SPATA17: variants seen among roughly 807,000 people sequenced by gnomAD.
SPATA17 encodes spermatogenesis-associated protein 17.
In SPATA17, 53 loss-of-function variants were observed where a neutral mutation model predicts 62.2. The ratio of observed to expected loss-of-function variants is 0.85; its 90% CI spans 0.68 to 1.07. SPATA17 has a LOEUF of 1.07. SPATA17 is among the 50% of genes least tolerant of loss of function. The probability of loss-of-function intolerance (pLI) is 0.00; values close to 1 mark genes in which losing one functional copy is unlikely to be tolerated. For synonymous variants in SPATA17, 146 were observed against 146.8 expected, an observed-to-expected ratio of 0.99 and a Z score of 0.04; for missense variants, 466 against 425.5, an observed-to-expected ratio of 1.10 and a Z score of -0.84.
chr1:217,677,307 A>AT (rs1451050102), intron 4 of SPATA17, among the ~76,000 whole-genome samples: 1 of 152,094 alleles, frequency 6.6e-6, no homozygotes, highest in Non-Finnish European at 1.5e-5. Flanking sequence ...GTTAGAAAAG[A>AT]TTATATGGTG....
At chr1:217,768,272 A>G (rs1033998292) in intron 6 of SPATA17, among the ~76,000 whole-genome samples, 3 of 151,972 alleles carry the variant, frequency 2.0e-5, no homozygotes, top group African/African-American at 7.2e-5. Flanking sequence ...GATGTGAAAA[A>G]CAAGAGATTC....
At chr1:217,677,744 T>G (rs1453221795) in intron 4 of SPATA17, among the ~76,000 whole-genome samples, 4 of 151,808 alleles carry the variant, frequency 2.6e-5, no homozygotes, top group Non-Finnish European at 5.9e-5. Flanking sequence ...GTGAAATGAT[T>G]AAATAGATTT....
intron 9 of SPATA17, among the ~76,000 whole-genome samples, chr1:217,806,307 G>A (rs1212013482): frequency 1.3e-5 from 2 of 152,194 alleles, no homozygotes; most frequent in Non-Finnish European, 2.9e-5. Flanking sequence ...ATAGCTCCGT[G>A]TAAGGGTGGG....
intron 9 of SPATA17, among the ~76,000 whole-genome samples, chr1:217,828,151 G>A (rs1289165094): frequency 6.6e-6 from 1 of 152,048 alleles, no homozygotes; most frequent in Non-Finnish European, 1.5e-5. Context: ...CAATGTTAGA[G>A]ACATCATACT....
chr1:217,703,174 C>CTTTTTTTTT (rs1203063860), intron 5 of SPATA17, among the ~76,000 whole-genome samples: 1 of 105,508 alleles, frequency 9.5e-6, no homozygotes, highest in African/African-American at 3.9e-5. Context: ...TGCGCTCGGC[C>CTTTTTTTTT]TTTTTTTTTT....
At chr1:217,861,179 G>T (rs1335247651) in intron 9 of SPATA17, among the ~76,000 whole-genome samples, 1 of 151,832 alleles carries the variant, frequency 6.6e-6, no homozygotes, top group Non-Finnish European at 1.5e-5. Context: ...TGGCATTGTT[G>T]TTATTATTAT....
chr1:217,637,544 C>T (rs1237557317), intron 1 of SPATA17, among the ~76,000 whole-genome samples: 3 of 152,114 alleles, frequency 2.0e-5, no homozygotes, highest in African/African-American at 7.2e-5. Flanking sequence ...CTTAAGTTGT[C>T]CTGATTTCAG....
intron 9 of SPATA17, among the ~76,000 whole-genome samples, chr1:217,828,948 T>C (rs1675066510): frequency 6.6e-6 from 1 of 152,070 alleles, no homozygotes; most frequent in Non-Finnish European, 1.5e-5. Flanking sequence ...ATAACAAATG[T>C]TGGTGAGGGT....
intron 4 of SPATA17, among the ~76,000 whole-genome samples, chr1:217,680,092 A>G (rs187966775): frequency 2.0e-4 from 31 of 152,250 alleles, no homozygotes; most frequent in Admixed American, 9.8e-4. Flanking sequence ...ATATTTTCCT[A>G]TGCAACTTGA....
chr1:217,847,539 A>G (rs1450416083), intron 9 of SPATA17, among the ~76,000 whole-genome samples: 1 of 152,168 alleles, frequency 6.6e-6, no homozygotes, highest in African/African-American at 2.4e-5. Context: ...GTAAATGTGT[A>G]CATAATTTTC....
rs187780765 is a variant in SPATA17 at position 217,834,321 on chromosome 1, C to T, written c.1006-28453C>T. ...TTTATTGTTATTTTAGCGTGTATTG[C>T]TTCTATTTAGAAAAAAGTTAACTGA... is the stretch of plus-strand genomic sequence containing the variant. On this transcript the variant is annotated intron_variant, in intron 9 of 10. Coordinates refer to ENST00000366933, the MANE Select transcript of SPATA17 (RefSeq NM_138796.4). 2.7e-3 allele frequency among the ~76,000 whole-genome samples: 405 copies of T among 152,136 alleles called. 2 individuals carry two copies. The highest frequency in any genetic ancestry group is 2.8e-3 in the Non-Finnish European group (190 of 67,986).
chr1:217,792,070 A>T (rs1324072967), intron 8 of SPATA17, among the ~76,000 whole-genome samples: 2 of 151,310 alleles, frequency 1.3e-5, no homozygotes, highest in African/African-American at 2.4e-5. Flanking sequence ...GATAAACTTT[A>T]AAAAAAAATC....
chr1:217,824,409 A>G (rs1013682647), intron 9 of SPATA17, among the ~76,000 whole-genome samples: 1 of 151,674 alleles, frequency 6.6e-6, no homozygotes, highest in African/African-American at 2.4e-5. Context: ...ATATTACTTA[A>G]AAAATAATTG....
At chr1:217,831,222 T>C (rs1245873866) in intron 9 of SPATA17, among the ~76,000 whole-genome samples, 1 of 152,178 alleles carries the variant, frequency 6.6e-6, no homozygotes, top group Non-Finnish European at 1.5e-5. Flanking sequence ...TTGTCATTTG[T>C]CCATTGTGTT....
At chr1:217,649,871 T>G (rs1299682229) in intron 2 of SPATA17, among the ~76,000 whole-genome samples, 2 of 151,792 alleles carry the variant, frequency 1.3e-5, no homozygotes, top group Non-Finnish European at 2.9e-5. Context: ...TATATAAAAC[T>G]TCCTTATACT....
intron 3 of SPATA17, chr1:217,665,395 A>C (rs1431989302): frequency 6.6e-6 from 1 of 152,096 alleles, no homozygotes; most frequent in Non-Finnish European, 1.5e-5. Context: ...AAAGGAGTTG[A>C]TAAAAGCAAT....
chr1:217,668,473 A>C (rs1670755974), intron 3 of SPATA17, among the ~76,000 whole-genome samples: 1 of 152,334 alleles, frequency 6.6e-6, no homozygotes, highest in African/African-American at 2.4e-5. Flanking sequence ...ATGAATATTA[A>C]ATGAAACAAA....
intron 6 of SPATA17, among the ~76,000 whole-genome samples, chr1:217,745,586 G>T (rs1442574117): frequency 6.6e-6 from 1 of 152,032 alleles, no homozygotes; most frequent in Admixed American, 6.6e-5. Context: ...CTAAACAAAA[G>T]TATGCAACAC....
At chr1:217,838,680 G>A (rs370051127) in intron 9 of SPATA17, among the ~76,000 whole-genome samples, 40 of 152,072 alleles carry the variant, frequency 2.6e-4, no homozygotes, top group East Asian at 7.7e-4. Context: ...AATTAAGCAG[G>A]AGTCCCTTCC....
Sources: allele counts gnomAD v4.1 joint callset (sites outside exome capture counted in the v4.1 genomes callset), GRCh38; gene constraint gnomAD v4.1.1; transcripts MANE v1.5; gene names NCBI Gene and HGNC (gene_info 2026-07-23, HGNC 2026-07-21).